Variants in BICDL1 observed in about 807,000 individuals in gnomAD.
The protein encoded by BICDL1 is BICD family like cargo adaptor 1.
BICDL1 carries 20 observed loss-of-function variants against 76.8 expected under a neutral mutation model. That is an observed-to-expected ratio of 0.26 (90% CI 0.18 to 0.38). The LOEUF (loss-of-function observed/expected upper bound fraction) is 0.38. Ranked by LOEUF, BICDL1 falls within the 10% of genes least tolerant of loss-of-function variation. BICDL1 has a pLI of 1.00. For synonymous variants in BICDL1, 383 were observed against 337.1 expected (o/e 1.14, Z -1.49); for missense variants, 700 against 798.6 (o/e 0.88, Z 1.49).
At chr12:120,045,867 T>C (rs1359405068) in intron 2 of BICDL1, among the ~76,000 whole-genome samples, 1 of 151,510 alleles carries the variant, frequency 6.6e-6, no homozygotes, top group Non-Finnish European at 1.5e-5. Context: ...CATGTATGCA[T>C]ATGTAACTAA....
At chr12:120,018,003 T>A (rs868423056) in intron 2 of BICDL1, among the ~76,000 whole-genome samples, 2 of 152,326 alleles carry the variant, frequency 1.3e-5, no homozygotes, top group Middle Eastern at 3.4e-3. Flanking sequence ...ACCCGTTTCC[T>A]TTGGTTTCAT....
At chr12:120,031,795 C>T (rs1206161105) in intron 2 of BICDL1, among the ~76,000 whole-genome samples, 1 of 152,112 alleles carries the variant, frequency 6.6e-6, no homozygotes, top group Non-Finnish European at 1.5e-5. Context: ...TTGACAGTCT[C>T]AAAAGAAAAT....
chr12:120,064,477 C>T (rs1953176915), intron 3 of BICDL1, among the ~76,000 whole-genome samples: 1 of 151,886 alleles, frequency 6.6e-6, no homozygotes, highest in South Asian at 2.1e-4. Context: ...ACTAGCCTTC[C>T]CTTCCTCTGC....
chr12:119,991,809 G>T (rs1488661421), intron 1 of BICDL1, among the ~76,000 whole-genome samples: 1 of 152,020 alleles, frequency 6.6e-6, no homozygotes, highest in African/African-American at 2.4e-5. Context: ...ATACATTCTG[G>T]GTTCCATGTG....
intron 7 of BICDL1, among the ~76,000 whole-genome samples, chr12:120,077,374 C>T (rs1873633045): frequency 6.6e-6 from 1 of 152,314 alleles, no homozygotes; most frequent in South Asian, 2.1e-4. Context: ...CTGCCTCCTC[C>T]TCTGTTCCCC....
At chr12:120,086,603 G>A (rs559721805) in intron 8 of BICDL1, among the ~76,000 whole-genome samples, 2 of 152,288 alleles carry the variant, frequency 1.3e-5, no homozygotes, top group African/African-American at 4.8e-5. Flanking sequence ...GAAACCTTAA[G>A]GTGCACCTTC....
chr12:120,091,545 A>C, intron 9 of BICDL1: 1 of 985,884 alleles, frequency 1.0e-6, no homozygotes, highest in African/African-American at 1.7e-5. Context: ...AATACCTGGC[A>C]CAGTGCCAGC....
intron 2 of BICDL1, among the ~76,000 whole-genome samples, chr12:120,008,039 G>A (rs903061332): frequency 1.3e-5 from 2 of 151,266 alleles, no homozygotes; most frequent in Non-Finnish European, 2.9e-5. Flanking sequence ...ATGAAAACAA[G>A]ATAATTTCTC....
chr12:120,012,106 C>A (rs1049263550), intron 2 of BICDL1, among the ~76,000 whole-genome samples: 17 of 152,150 alleles, frequency 1.1e-4, no homozygotes, highest in African/African-American at 3.6e-4. Flanking sequence ...AGAACATATT[C>A]ATCCTTCTCT....
Position 119,989,890 on chromosome 12 carries a change from T to A in BICDL1, c.22T>A (p.Leu8Met). 7.0e-7 allele frequency: 1 copy of A among 1,438,574 alleles called. No individual in the cohort carries two copies. The highest frequency in any genetic ancestry group is 9.0e-7 in the Non-Finnish European group (1 of 1,107,694). The allele number at this position is 1,438,574 out of a possible 1,614,324, so 89.1% of individuals were successfully genotyped here. A position where few individuals can be genotyped will look rare whatever the true frequency, so the allele number is the denominator to read the frequency against. MSAFCLGLVGRASAPAEP... is the reference protein window; with the variant it reads MSAFCLGMVGRASAPAEP... Reference sequence around the variant, plus strand: ...GGCCATGTCCGCTTTCTGCCTGGGCTTGGTCGGCCGCGCTTCAGCACCCGC... The same window carrying A: ...GGCCATGTCCGCTTTCTGCCTGGGCATGGTCGGCCGCGCTTCAGCACCCGC... The change falls in exon 1 of 10, where the codon TTG (leucine) becomes ATG (methionine). Residue 8 changes from leucine (L) to methionine (M), a missense_variant. This residue lies in a region of BICDL1 where 225 missense variants were observed against 199.6 expected (regional missense o/e 1.13). Coordinates refer to ENST00000548673, the MANE Select transcript of BICDL1 (RefSeq NM_001367886.1).
chr12:120,039,031 CTCAG>C (rs1566235650), intron 2 of BICDL1, among the ~76,000 whole-genome samples: 2 of 152,144 alleles, frequency 1.3e-5, no homozygotes, highest in African/African-American at 4.8e-5. Context: ...GGCACGGTGA[CTCAG>C]CCTGTAAACC....
chr12:120,014,316 C>G (rs922396097), intron 2 of BICDL1, among the ~76,000 whole-genome samples: 2 of 152,116 alleles, frequency 1.3e-5, no homozygotes, highest in Non-Finnish European at 2.9e-5. Context: ...TCCTCAAAAA[C>G]CAAAATAAAA....
chr12:120,080,692 C>G (rs1201076045), intron 7 of BICDL1, 195 bp from the exon 8 acceptor site: 1 of 483,848 alleles, frequency 2.1e-6, no homozygotes, highest in Non-Finnish European at 3.7e-6. Context: ...GAGCTCAAGC[C>G]TAGCATGTGA....
chr12:120,061,693 G>A lies in BICDL1; in HGVS notation c.646-17G>A, dbSNP rs1215458917. On this transcript the variant is annotated splice_polypyrimidine_tract_variant and intron_variant, in intron 2 of 9. Transcript: ENST00000548673. ...GCATAACCTCCGAATCAGCTCTGCAGGTCTCCTCTGTTTCAGGCATCAGAA... is the reference window on the plus strand; with the variant it reads ...GCATAACCTCCGAATCAGCTCTGCAAGTCTCCTCTGTTTCAGGCATCAGAA... 1.3e-6 allele frequency: 2 copies of A among 1,558,508 alleles called. No homozygotes were observed. Among genetic ancestry groups the A allele is most frequent in the Admixed American group, 1.7e-5 (1 of 59,952 alleles).
chr12:120,025,238 G>T (rs899735103), intron 2 of BICDL1, among the ~76,000 whole-genome samples: 8 of 151,900 alleles, frequency 5.3e-5, no homozygotes, highest in Non-Finnish European at 7.4e-5. Context: ...TTTTAGTAGA[G>T]ATGGGGTTTC....
intron 2 of BICDL1, among the ~76,000 whole-genome samples, chr12:120,022,435 TATATA>T (rs983071454): frequency 2.9e-4 from 43 of 147,180 alleles, no homozygotes; most frequent in East Asian, 1.6e-3. Context: ...TTTTATATTA[TATATA>T]ATATATGTAT....
At chr12:120,005,011 C>T (rs1226861207) in intron 2 of BICDL1, among the ~76,000 whole-genome samples, 1 of 152,030 alleles carries the variant, frequency 6.6e-6, no homozygotes, top group Non-Finnish European at 1.5e-5. Flanking sequence ...TTAGTAGAAG[C>T]GGGATTTCAC....
At chr12:120,014,068 T>C (rs1952012425) in intron 2 of BICDL1, among the ~76,000 whole-genome samples, 1 of 152,222 alleles carries the variant, frequency 6.6e-6, no homozygotes, top group Non-Finnish European at 1.5e-5. Flanking sequence ...GTGGTTTAGG[T>C]AAATGTGTGT....
chr12:120,053,647 C>T (rs1952911463), intron 2 of BICDL1, among the ~76,000 whole-genome samples: 1 of 152,186 alleles, frequency 6.6e-6, no homozygotes, highest in South Asian at 2.1e-4. Flanking sequence ...ATGAGATATT[C>T]CAGGCTCATC....
Sources: allele counts gnomAD v4.1 joint callset (sites outside exome capture counted in the v4.1 genomes callset), GRCh38; gene constraint gnomAD v4.1.1; regional missense constraint gnomAD v4.1.1; transcripts MANE v1.5; gene names NCBI Gene and HGNC (gene_info 2026-07-23, HGNC 2026-07-21).